The following PCSK5 variants were observed in gnomAD, a reference collection of about 807,000 sequenced individuals.
PCSK5 encodes the protein prohormone convertase 5.
In PCSK5, 129 loss-of-function variants were observed where a neutral mutation model predicts 233.2. That is an observed-to-expected ratio of 0.55 (90% CI 0.48 to 0.64). The LOEUF is 0.64. Among genes scored for constraint, PCSK5 ranks in the 30% least tolerant of loss-of-function variants. The probability of loss-of-function intolerance (pLI) is 0.00; values close to 1 mark genes in which losing one functional copy is unlikely to be tolerated. For synonymous variants in PCSK5, 825 were observed against 879.2 expected, an observed-to-expected ratio of 0.94 and a Z score of 1.09; for missense variants, 2,076 against 2,430.1, an observed-to-expected ratio of 0.85 and a Z score of 3.06.
chr9:76,001,181 C>T (rs1237477890), intron 3 of PCSK5, among the ~76,000 whole-genome samples: 4 of 152,090 alleles, frequency 2.6e-5, no homozygotes, highest in African/African-American at 9.7e-5. Context: ...TTTTATCTCG[C>T]GCTGTGTACA....
chr9:76,207,669 T>A (rs1825174427), intron 20 of PCSK5, among the ~76,000 whole-genome samples: 1 of 152,126 alleles, frequency 6.6e-6, no homozygotes, highest in African/African-American at 2.4e-5. Context: ...ACACGTGTTA[T>A]GAAAAGGAAT....
At chr9:76,336,515 A>T (rs748069625) in intron 34 of PCSK5, among the ~76,000 whole-genome samples, 6 of 152,102 alleles carry the variant, frequency 3.9e-5, no homozygotes, top group Non-Finnish European at 8.8e-5. Context: ...CAATTAATGC[A>T]CTATTTTGTT....
intron 16 of PCSK5, among the ~76,000 whole-genome samples, chr9:76,184,216 C>T (rs767577872): frequency 1.3e-5 from 2 of 152,138 alleles, no homozygotes; most frequent in Non-Finnish European, 2.9e-5. Context: ...TCTAGTTCAG[C>T]TCAACTGACC....
chr9:76,234,611 A>G (rs1398670740), intron 22 of PCSK5, among the ~76,000 whole-genome samples: 3 of 152,352 alleles, frequency 2.0e-5, no homozygotes, highest in Admixed American at 2.0e-4. Flanking sequence ...CATGACAAAT[A>G]TCTGTCATAT....
intron 2 of PCSK5, among the ~76,000 whole-genome samples, chr9:75,936,065 G>A (rs1161623239): frequency 2.6e-5 from 4 of 152,154 alleles, no homozygotes; most frequent in African/African-American, 7.2e-5. Flanking sequence ...ATACTATCCT[G>A]TAGTCTATTA....
At chr9:75,986,927 G>A (rs1467846521) in intron 3 of PCSK5, among the ~76,000 whole-genome samples, 1 of 152,130 alleles carries the variant, frequency 6.6e-6, no homozygotes, top group Non-Finnish European at 1.5e-5. Flanking sequence ...ACTGAGAAAT[G>A]AATTTGAATA....
chr9:75,942,523 A>G (rs1021452848), intron 2 of PCSK5, among the ~76,000 whole-genome samples: 11 of 152,242 alleles, frequency 7.2e-5, no homozygotes, highest in Admixed American at 1.3e-4. Flanking sequence ...CCAGATTGAA[A>G]TATGAGTATC....
intron 24 of PCSK5, among the ~76,000 whole-genome samples, chr9:76,247,842 C>T (rs962225706): frequency 1.3e-4 from 20 of 151,318 alleles, no homozygotes; most frequent in African/African-American, 2.2e-4. Flanking sequence ...TGGAGTGCAA[C>T]GGCGTGATCT....
chr9:75,938,296 G>A (rs1365806574), intron 2 of PCSK5, among the ~76,000 whole-genome samples: 1 of 152,130 alleles, frequency 6.6e-6, no homozygotes, highest in Non-Finnish European at 1.5e-5. Context: ...AGGAGGCCTG[G>A]GGAGAGGGAG....
At chr9:76,347,492 G>A (rs1346780681) in intron 35 of PCSK5, among the ~76,000 whole-genome samples, 1 of 152,180 alleles carries the variant, frequency 6.6e-6, no homozygotes, top group Non-Finnish European at 1.5e-5. Flanking sequence ...TGGTGTAGGA[G>A]ATGTAAATGA....
chr9:75,983,494 T>A (rs1277160302), intron 2 of PCSK5, among the ~76,000 whole-genome samples: 1 of 152,178 alleles, frequency 6.6e-6, no homozygotes, highest in Non-Finnish European at 1.5e-5. Context: ...TGGACCAAGG[T>A]CCAAAGGGAG....
intron 24 of PCSK5, among the ~76,000 whole-genome samples, chr9:76,280,978 ACT>A (rs1447328076): frequency 1.3e-5 from 2 of 152,112 alleles, no homozygotes; most frequent in African/African-American, 4.8e-5. Flanking sequence ...CAAGGACCTA[ACT>A]CTCTTCAATT....
intron 2 of PCSK5, among the ~76,000 whole-genome samples, chr9:75,979,538 CTTCT>C (rs1233221855): frequency 6.6e-6 from 1 of 152,276 alleles, no homozygotes; most frequent in East Asian, 1.9e-4. Flanking sequence ...TTTGAGTGAG[CTTCT>C]TTCTTTGTCT....
At chr9:76,282,404 T>C (rs1007738889) in intron 24 of PCSK5, among the ~76,000 whole-genome samples, 1 of 150,232 alleles carries the variant, frequency 6.7e-6, no homozygotes, top group Admixed American at 6.6e-5. Context: ...ACTGCAGCCT[T>C]GACCTCCGAG....
intron 24 of PCSK5, chr9:76,287,126 A>G (rs1828101696): frequency 6.3e-6 from 1 of 159,310 alleles, no homozygotes; most frequent in African/African-American, 2.4e-5. Context: ...AGCCTACTAT[A>G]GAAGCTTATC....
intron 1 of PCSK5, among the ~76,000 whole-genome samples, chr9:75,916,626 A>G (rs1823007842): frequency 6.6e-6 from 1 of 152,044 alleles, no homozygotes; most frequent in Admixed American, 6.6e-5. Context: ...TTCCAGGCAG[A>G]TGGGGCAGCA....
At chr9:76,103,729 G>T (rs1024734244) in intron 8 of PCSK5, among the ~76,000 whole-genome samples, 1 of 152,130 alleles carries the variant, frequency 6.6e-6, no homozygotes, top group Admixed American at 6.5e-5. Context: ...TGCTGATCAG[G>T]ACAGCTTTGA....
At chr9:75,997,732 C>T (rs1231382257) in intron 3 of PCSK5, among the ~76,000 whole-genome samples, 1 of 152,098 alleles carries the variant, frequency 6.6e-6, no homozygotes, top group African/African-American at 2.4e-5. Flanking sequence ...GCATTCACCA[C>T]TTATTGTTTC....
intron 1 of PCSK5, among the ~76,000 whole-genome samples, chr9:75,903,346 CAAAAG>C (rs1046610747): frequency 1.3e-5 from 2 of 151,712 alleles, no homozygotes; most frequent in African/African-American, 4.8e-5. Context: ...GTTAGCATCA[CAAAAG>C]AAGTATTTAA....
Sources: allele counts gnomAD v4.1 joint callset (sites outside exome capture counted in the v4.1 genomes callset), GRCh38; gene constraint gnomAD v4.1.1; transcripts MANE v1.5; gene names NCBI Gene and HGNC (gene_info 2026-07-23, HGNC 2026-07-21).